Variants in ASB2 observed in about 807,000 individuals in gnomAD.
ASB2 encodes the protein ankyrin repeat and SOCS box protein 2.
A neutral mutation model predicts 62.4 loss-of-function variants in ASB2; 58 were observed. The ratio of observed to expected loss-of-function variants is 0.93; its 90% confidence interval spans 0.75 to 1.16. The LOEUF (loss-of-function observed/expected upper bound fraction) is 1.16. Ranked by LOEUF, ASB2 falls within the 50% of genes most tolerant of loss-of-function variation. The pLI is 0.00. For missense variants in ASB2, 928 were observed against 887.9 expected (o/e 1.05, Z -0.57); for synonymous variants, 386 against 385.3 (o/e 1.00, Z -0.02).
intron 2 of ASB2, among the ~76,000 whole-genome samples, chr14:93,961,045 C>T (rs1889392615): frequency 6.6e-6 from 1 of 152,172 alleles, no homozygotes; most frequent in Non-Finnish European, 1.5e-5. Context: ...GGAACACTCT[C>T]AGGAGGGTGT....
chr14:93,950,195 T>G (rs1353336674), intron 6 of ASB2, among the ~76,000 whole-genome samples: 1 of 152,204 alleles, frequency 6.6e-6, no homozygotes, highest in African/African-American at 2.4e-5. Context: ...CCTCAACAGA[T>G]TCCTACAGTT....
intron 7 of ASB2, chr14:93,941,343 G>A (rs1888512132): frequency 3.4e-6 from 1 of 294,250 alleles, no homozygotes; most frequent in Admixed American, 4.8e-5. Context: ...GGTGGGGGAA[G>A]GGGAGAGAAG....
At chr14:93,967,260 G>A (rs914299791) in intron 1 of ASB2, among the ~76,000 whole-genome samples, 2 of 152,264 alleles carry the variant, frequency 1.3e-5, no homozygotes, top group African/African-American at 4.8e-5. Context: ...TGAGGCTGGG[G>A]TCCCTGCCAG....
At chr14:93,953,760 C>A (rs1889066533) in intron 4 of ASB2, among the ~76,000 whole-genome samples, 1 of 151,528 alleles carries the variant, frequency 6.6e-6, no homozygotes, top group Non-Finnish European at 1.5e-5. Context: ...ATACTCCTGT[C>A]CTTTCCTCGA....
chr14:93,958,303 A>G (rs1231221750), intron 2 of ASB2, among the ~76,000 whole-genome samples: 1 of 152,220 alleles, frequency 6.6e-6, no homozygotes, highest in African/African-American at 2.4e-5. Flanking sequence ...TTTACAGATG[A>G]GGACAGGGAG....
At chr14:93,938,936 G>A (rs183140042) in intron 8 of ASB2, among the ~76,000 whole-genome samples, 172 bp downstream of exon 8, 1 of 152,144 alleles carries the variant, frequency 6.6e-6, no homozygotes, top group Non-Finnish European at 1.5e-5. Context: ...GTTAACCACC[G>A]TGCTCTGCTG....
intron 4 of ASB2, chr14:93,954,116 G>A: frequency 1.7e-6 from 1 of 591,658 alleles, no homozygotes; most frequent in Non-Finnish European, 3.0e-6. Flanking sequence ...TGTCCTTGGA[G>A]GCCTGGAGAG....
At chr14:93,963,977 G>A (rs4900207) in intron 2 of ASB2, among the ~76,000 whole-genome samples, 100,292 of 152,024 alleles carry the variant, frequency 0.66, 34,977 homozygotes, top group East Asian at 0.98. Context: ...GGGAGGCTGT[G>A]TTGTAAGATA....
intron 1 of ASB2, among the ~76,000 whole-genome samples, chr14:93,966,259 G>C (rs918637804): frequency 1.3e-5 from 2 of 152,232 alleles, no homozygotes; most frequent in African/African-American, 4.8e-5. Flanking sequence ...CTAGGCAACA[G>C]GGTGCCCTGT....
At chr14:93,967,905 T>A (rs1889641913) in intron 1 of ASB2, among the ~76,000 whole-genome samples, 1 of 152,172 alleles carries the variant, frequency 6.6e-6, no homozygotes, top group African/African-American at 2.4e-5. Context: ...TCACTTCCCC[T>A]TTTCTGGGCC....
At position 93,934,623 on chromosome 14, in the gene ASB2, T is replaced by C. The variant is rs1266065602; in HGVS notation, c.*33A>G. On this transcript the variant is annotated 3_prime_UTR_variant, in exon 10 of 10. Transcript: ENST00000555019. ...GTCCTGAGACTTAGTAAGAAGAGTC[T>C]GAGGGGCTACTCCTCTCTCCCCGTG... 4 of 1,611,398 alleles carry C rather than the reference T, an allele frequency of 2.5e-6. No homozygotes were observed. Among genetic ancestry groups the C allele is most frequent in the Non-Finnish European group, 3.4e-6 (4 of 1,178,196 alleles).
intron 6 of ASB2, among the ~76,000 whole-genome samples, chr14:93,950,537 G>T (rs3790055): frequency 2.0e-5 from 3 of 152,108 alleles, no homozygotes; most frequent in Non-Finnish European, 2.9e-5. Context: ...ATAAAAGGGG[G>T]AGGTGATCTA....
In ASB2 at chr14:93,939,144, G is replaced by A. The variant is rs1241880376; in HGVS notation, c.1581C>T (p.Asp527=). ...PAPQPSSRFN[D]APAADKEPSV... ...TGGGCTCCTTGTCGGCCGCGGGCGC[G>A]TCGTTGAACCTGCTGGAGGGCTGCG... The change falls in exon 8 of 10, where the codon GAC becomes GAT. Residue 527 remains aspartate, a synonymous_variant. Transcript: ENST00000555019. 6.4e-6 allele frequency: 10 copies of A among 1,563,980 alleles called. No homozygotes were observed. The highest frequency in any genetic ancestry group is 8.7e-6 in the Non-Finnish European group (10 of 1,151,904).
At chr14:93,946,446 G>C (rs957825639) in intron 7 of ASB2, among the ~76,000 whole-genome samples, 66 of 152,236 alleles carry the variant, frequency 4.3e-4, no homozygotes, top group African/African-American at 1.5e-3. Flanking sequence ...GGCAGAGAAG[G>C]GGGAAAGGAC....
chr14:93,943,825 G>C (rs1040777287), intron 7 of ASB2: 3 of 403,132 alleles, frequency 7.4e-6, no homozygotes, highest in Non-Finnish European at 1.5e-5. Context: ...TTGCTTGTCA[G>C]TGTGCTTTAT....
intron 9 of ASB2, among the ~76,000 whole-genome samples, chr14:93,937,008 G>C (rs1292002088): frequency 2.0e-5 from 3 of 152,214 alleles, no homozygotes; most frequent in Admixed American, 1.3e-4. Context: ...CAGAGGGACA[G>C]TGGCCGAACT....
At chr14:93,937,078 G>A (rs558662856) in intron 9 of ASB2, among the ~76,000 whole-genome samples, 15 of 152,180 alleles carry the variant, frequency 9.9e-5, no homozygotes, top group Non-Finnish European at 1.8e-4. Context: ...TGGACAACGA[G>A]CCTGCCCAGG....
intron 7 of ASB2, among the ~76,000 whole-genome samples, chr14:93,942,024 A>T (rs1240142008): frequency 6.6e-6 from 1 of 152,168 alleles, no homozygotes; most frequent in Non-Finnish European, 1.5e-5. Flanking sequence ...AGGTCTCTGG[A>T]TGTCCAGGGC....
At position 93,939,557 on chromosome 14, in the gene ASB2, T is replaced by C. The variant is rs2141272639; in HGVS notation, c.1168A>G (p.Ser390Gly). The change falls in exon 8 of 10, where the codon AGC becomes GGC. Residue 390 changes from serine (S) to glycine (G), a missense_variant. Physicochemically the swap from Ser to Gly is moderately conservative, Grantham distance 56. Coordinates refer to ENST00000555019, the MANE Select transcript of ASB2 (RefSeq NM_001202429.2). Reference protein sequence around the residue: ...NHDEVLEALLSARFDVNTPLA... With the variant: ...NHDEVLEALLGARFDVNTPLA... The stretch of plus-strand genomic sequence containing the variant: ...GGCGTGTTCACGTCGAAGCGCGCGC[T>C]CAGCAGCGCCTCCAGCACCTCGTCG... 1 of 1,595,388 alleles carries C rather than the reference T, an allele frequency of 6.3e-7. No homozygotes were observed.
Sources: gnomAD v4.1 joint callset for allele counts (sites outside exome capture counted in the v4.1 genomes callset) on GRCh38, gnomAD v4.1.1 for gene constraint, MANE v1.5 for transcripts, NCBI Gene and HGNC (gene_info 2026-07-23, HGNC 2026-07-21) for gene names.